Variants in PLD5 observed in about 807,000 individuals in gnomAD.
PLD5 encodes the protein phospholipase D family member 5.
Under a neutral mutation model 61.1 loss-of-function variants are expected in PLD5, and 36 were observed. The ratio of observed to expected loss-of-function variants is 0.59; its 90% CI spans 0.45 to 0.78. The LOEUF (loss-of-function observed/expected upper bound fraction) is 0.78, where lower values mean the gene tolerates loss of function less well. PLD5 is among the 30% of genes least tolerant of loss of function. The probability of loss-of-function intolerance (pLI) is 0.00; values close to 1 mark genes in which losing one functional copy is unlikely to be tolerated. For missense variants in PLD5, 515 were observed against 644.4 expected, an observed-to-expected ratio of 0.80 and a Z score of 2.17; for synonymous variants, 243 against 242.8, an observed-to-expected ratio of 1.00 and a Z score of -0.01.
intron 5 of PLD5, among the ~76,000 whole-genome samples, chr1:242,168,617 G>T (rs1666495380): frequency 6.6e-6 from 1 of 152,134 alleles, no homozygotes; most frequent in African/African-American, 2.4e-5. Context: ...AATATATTTT[G>T]AGTACCACTG....
intron 1 of PLD5, among the ~76,000 whole-genome samples, chr1:242,499,949 G>A (rs754294793): frequency 1.3e-4 from 20 of 152,148 alleles, no homozygotes; most frequent in Non-Finnish European, 2.4e-4. Context: ...CCAAACGGGG[G>A]CTCAACTGGG....
intron 1 of PLD5, among the ~76,000 whole-genome samples, chr1:242,387,262 A>C (rs1279795164): frequency 6.6e-6 from 1 of 152,212 alleles, no homozygotes; most frequent in Admixed American, 6.5e-5. Flanking sequence ...TAAATTGTAC[A>C]TGTATTTCAA....
At chr1:242,485,318 T>A (rs1477699192) in intron 1 of PLD5, among the ~76,000 whole-genome samples, 2 of 152,176 alleles carry the variant, frequency 1.3e-5, no homozygotes, top group East Asian at 3.8e-4. Context: ...GAAAACCCCA[T>A]CGTCTCAGCC....
chr1:242,320,816 G>C (rs1342828916), intron 2 of PLD5, among the ~76,000 whole-genome samples: 1 of 152,150 alleles, frequency 6.6e-6, no homozygotes, highest in Non-Finnish European at 1.5e-5. Flanking sequence ...CACAGGTTGG[G>C]ATTTAATTGA....
At chr1:242,512,810 A>G (rs547343045) in intron 1 of PLD5, among the ~76,000 whole-genome samples, 2 of 152,266 alleles carry the variant, frequency 1.3e-5, no homozygotes, top group East Asian at 3.9e-4. Flanking sequence ...AACTGTGTGA[A>G]TGCCTAATCA....
At chr1:242,190,752 G>C (rs1246976295) in intron 5 of PLD5, among the ~76,000 whole-genome samples, 1 of 151,666 alleles carries the variant, frequency 6.6e-6, no homozygotes, top group Non-Finnish European at 1.5e-5. Flanking sequence ...AAAAAAAATA[G>C]AAAAATCCCA....
At chr1:242,521,444 G>A (rs1445787866) in intron 1 of PLD5, among the ~76,000 whole-genome samples, 1 of 132,152 alleles carries the variant, frequency 7.6e-6, no homozygotes, top group Non-Finnish European at 1.7e-5. Flanking sequence ...TCTGAAGTCT[G>A]GACAGAGCCC....
chr1:242,206,356 G>A (rs1669311643), intron 5 of PLD5, among the ~76,000 whole-genome samples: 1 of 152,158 alleles, frequency 6.6e-6, no homozygotes, highest in Non-Finnish European at 1.5e-5. Flanking sequence ...TCCATGTCAT[G>A]TTACTTCCAG....
At chr1:242,450,757 C>A (rs764232374) in intron 1 of PLD5, among the ~76,000 whole-genome samples, 26 of 152,184 alleles carry the variant, frequency 1.7e-4, no homozygotes, top group Non-Finnish European at 3.7e-4. Flanking sequence ...AAAACACACA[C>A]ATTTTCACAC....
the PLD5 span, among the ~76,000 whole-genome samples, chr1:242,530,233 C>T: frequency 6.6e-6 from 1 of 152,168 alleles, no homozygotes; most frequent in Admixed American, 6.5e-5. Flanking sequence ...CCCTGGTTGT[C>T]GTGTTGGCTC....
intron 1 of PLD5, among the ~76,000 whole-genome samples, chr1:242,425,745 C>A (rs1197574458): frequency 1.3e-5 from 2 of 151,164 alleles, no homozygotes; most frequent in South Asian, 2.1e-4. Flanking sequence ...CGGGTTCACA[C>A]CATTCTCCTG....
chr1:242,151,081 A>G (rs1168139702), intron 5 of PLD5, among the ~76,000 whole-genome samples: 2 of 151,866 alleles, frequency 1.3e-5, no homozygotes, highest in African/African-American at 2.4e-5. Context: ...ACCTCACAAC[A>G]ATATACTTTC....
intron 5 of PLD5, among the ~76,000 whole-genome samples, chr1:242,127,101 TG>T (rs2148743015): frequency 6.6e-6 from 1 of 152,246 alleles, no homozygotes; most frequent in East Asian, 1.9e-4. Context: ...AGCCACAATG[TG>T]ATACCACCTT....
chr1:242,207,872 A>ATATT (rs1669487711), intron 5 of PLD5, among the ~76,000 whole-genome samples: 1 of 81,488 alleles, frequency 1.2e-5, no homozygotes, highest in Non-Finnish European at 2.0e-5. Flanking sequence ...ATATATTTAT[A>ATATT]TATATTTATA....
At chr1:242,371,218 C>T (rs1007480547) in intron 1 of PLD5, among the ~76,000 whole-genome samples, 2 of 152,116 alleles carry the variant, frequency 1.3e-5, no homozygotes, top group Non-Finnish European at 2.9e-5. Flanking sequence ...CACACACACG[C>T]ACACACTTTT....
chr1:242,373,983 G>T (rs1661802568), intron 1 of PLD5, among the ~76,000 whole-genome samples: 1 of 129,488 alleles, frequency 7.7e-6, no homozygotes, highest in Non-Finnish European at 1.7e-5. Flanking sequence ...CAAAAAAAAA[G>T]AATGTCGGAA....
intron 1 of PLD5, among the ~76,000 whole-genome samples, chr1:242,488,573 C>T (rs1168942821): frequency 6.6e-6 from 1 of 152,076 alleles, no homozygotes; most frequent in Non-Finnish European, 1.5e-5. Context: ...TCATTAGTGG[C>T]CAAGGGCTCA....
At chr1:242,123,083 A>G (rs1029613888) in intron 6 of PLD5, among the ~76,000 whole-genome samples, 2 of 152,210 alleles carry the variant, frequency 1.3e-5, no homozygotes, top group African/African-American at 4.8e-5. Context: ...GACAGGGGAC[A>G]CTATAAATCT....
At chr1:242,349,039 G>A (rs532350832) in intron 1 of PLD5, among the ~76,000 whole-genome samples, 1 of 152,306 alleles carries the variant, frequency 6.6e-6, no homozygotes, top group South Asian at 2.1e-4. Flanking sequence ...GGGTGACAGA[G>A]CGAGACTCCA....
Sources: gnomAD v4.1 joint callset for allele counts (sites outside exome capture counted in the v4.1 genomes callset) on GRCh38, gnomAD v4.1.1 for gene constraint, MANE v1.5 for transcripts, NCBI Gene and HGNC (gene_info 2026-07-23, HGNC 2026-07-21) for gene names.